The following CEP290 variants were observed in gnomAD, a reference collection of about 807,000 sequenced individuals.
The protein encoded by CEP290 is centrosomal protein of 290 kDa.
In CEP290, 317 loss-of-function variants were observed where a neutral mutation model predicts 344.9. The observed-to-expected ratio is 0.92, with a 90% CI of 0.84 to 1.01. The LOEUF (loss-of-function observed/expected upper bound fraction) is 1.01. CEP290 is among the 50% of genes least tolerant of loss of function. CEP290 has a pLI of 0.00. For synonymous variants in CEP290, 932 were observed against 895.8 expected (o/e 1.04, Z -0.72); for missense variants, 2,754 against 2,761.4 (o/e 1.00, Z 0.06).
chr12:88,090,560 G>A (rs2036950885), intron 30 of CEP290, among the ~76,000 whole-genome samples, 168 bp downstream of exon 30: 2 of 152,196 alleles, frequency 1.3e-5, no homozygotes, highest in South Asian at 4.1e-4. Flanking sequence ...AACCCAGGTG[G>A]TGAAGGCTGC....
At chr12:88,117,197 A>G in intron 17 of CEP290, 52 bp from the exon 18 acceptor site, 1 of 824,014 alleles carries the variant, frequency 1.2e-6, no homozygotes, top group Non-Finnish European at 1.9e-6. Context: ...CCCTCCTACT[A>G]TTCCAACACT....
At chr12:88,079,324 CCTA>C (rs1269304395) in intron 38 of CEP290, 95 bp from the exon 39 acceptor site, 101 of 949,836 alleles carry the variant, frequency 1.1e-4, no homozygotes, top group Middle Eastern at 3.2e-4. Flanking sequence ...TTTATTACTT[CCTA>C]CTATTTTTCT....
At chr12:88,073,993 G>A (rs1273081313) in intron 41 of CEP290, among the ~76,000 whole-genome samples, 2 of 152,100 alleles carry the variant, frequency 1.3e-5, no homozygotes, top group Non-Finnish European at 2.9e-5. Flanking sequence ...GGGGGGCCAA[G>A]GCGGGCAGAT....
In CEP290 at chr12:88,134,653, T is replaced by C. The variant is rs543127457; in HGVS notation, c.441+1990A>G. Reference sequence around the variant, plus strand: ...AAGCTGTGCAACCATGGGCAATTACTCTTTCTGTGTCTCCATTTCTTCATC... The same window carrying C: ...AAGCTGTGCAACCATGGGCAATTACCCTTTCTGTGTCTCCATTTCTTCATC... On this transcript the variant is annotated intron_variant, in intron 6 of 53. Transcript: ENST00000552810. 2.6e-5 allele frequency among the ~76,000 whole-genome samples: 4 copies of C among 152,332 alleles called. No homozygotes were observed. In the South Asian group the frequency reaches 8.3e-4, roughly 32 times the overall value.
intron 43 of CEP290, 80 bp downstream of exon 43, chr12:88,071,214 C>G: frequency 8.8e-7 from 1 of 1,135,996 alleles, no homozygotes; most frequent in Non-Finnish European, 1.3e-6. Context: ...CTTAAGACAA[C>G]ACACATTTAT....
In CEP290 at chr12:88,102,845, T is replaced by G; in HGVS notation, c.2984A>C (p.His995Pro). The change falls in exon 26 of 54, where the codon CAC becomes CCC. Residue 995 changes from histidine (H) to proline (P), a missense_variant. His to Pro is a moderately conservative substitution (Grantham distance 77). Transcript: ENST00000552810. ...MLVQRTSNLEHLECENISLKE... is the reference protein window; with the variant it reads ...MLVQRTSNLEPLECENISLKE... Reference sequence around the variant, plus strand: ...AGAATCACACAAACTTACCTCCAGGTGTTCCAAGTTACTTGTTCTTTGAAC... The same window carrying G: ...AGAATCACACAAACTTACCTCCAGGGGTTCCAAGTTACTTGTTCTTTGAAC... 6.2e-7 allele frequency: 1 copy of G among 1,609,590 alleles called. No individual in the cohort carries two copies. The highest frequency in any genetic ancestry group is 1.1e-5 in the South Asian group (1 of 90,112).
At position 88,084,658 on chromosome 12, in the gene CEP290, G is replaced by A; in HGVS notation, c.4632C>T (p.Asn1544=). The change falls in exon 35 of 54, where the codon AAC becomes AAT. Residue 1544 remains asparagine (N), a synonymous_variant. Coordinates refer to ENST00000552810, the MANE Select transcript of CEP290 (RefSeq NM_025114.4). ...CTTTTTGATTTAACCTTGCTTGCAT[G>A]TTTGCAATGGTTTGATGAGCAATTT... ...TLKIAHQTIA[N]MQARLNQKEE... 2 of 1,613,494 alleles carry A rather than the reference G, an allele frequency of 1.2e-6. No homozygotes were observed. The highest frequency in any genetic ancestry group is 8.5e-7 in the Non-Finnish European group (1 of 1,179,508).
intron 35 of CEP290, 39 bp downstream of exon 35, chr12:88,084,547 C>A: frequency 6.7e-7 from 1 of 1,497,798 alleles, no homozygotes; most frequent in South Asian, 1.2e-5. Flanking sequence ...CTTAAAAAAA[C>A]TAATGGATAA....
chr12:88,079,012 A>T, intron 39 of CEP290, 80 bp downstream of exon 39: 3 of 1,275,136 alleles, frequency 2.4e-6, no homozygotes, highest in Non-Finnish European at 3.1e-6. Flanking sequence ...TCATCAACAA[A>T]ATTACTATAT....
Position 88,115,144 on chromosome 12 carries a change from T to A in CEP290, c.1863A>T (p.Arg621Ser). ...FLSRELIEKE[R>S]DLERSRTVIA... ...TCACTGTCCTACTCCTTTCTAAATC[T>A]CTTTCTTTTTCAATTAGTTCTCTTG... The change falls in exon 19 of 54, where the codon AGA becomes AGT. Residue 621 changes from arginine (R) to serine (S), a missense_variant. Coordinates refer to ENST00000552810, the MANE Select transcript of CEP290 (RefSeq NM_025114.4). 6.7e-7 allele frequency: 1 copy of A among 1,498,178 alleles called. No individual in the cohort carries two copies. The highest frequency in any genetic ancestry group is 9.1e-7 in the Non-Finnish European group (1 of 1,096,434). The allele number at this position is 1,498,178 out of a possible 1,614,324, so 92.8% of individuals were successfully genotyped here. A position where few individuals can be genotyped will look rare whatever the true frequency, so the allele number is the denominator to read the frequency against.
chr12:88,121,058 T>A lies in CEP290; in HGVS notation c.1298A>T (p.Asp433Val). Residue 433 changes from aspartate (D) to valine (V), a missense_variant, in exon 14 of 54, where the codon GAT becomes GTT. Coordinates refer to ENST00000552810, the MANE Select transcript of CEP290 (RefSeq NM_025114.4). The part of the protein sequence containing the change: ...AERTAELAEA[D>V]AREKDKELVE... The stretch of plus-strand genomic sequence containing the variant: ...TAATTCTTTATCCTTTTCCCTAGCA[T>A]CAGCCTCAGCCAGTTCAGCTGTTCT... The A allele has an allele frequency of 6.2e-7, 1 of 1,613,592 alleles. No individual in the cohort carries two copies.
Position 88,117,131 on chromosome 12 carries a change from C to A in CEP290, c.1726G>T (p.Asp576Tyr), listed in dbSNP as rs1387784536. 1 of 1,538,008 alleles carries A rather than the reference C, an allele frequency of 6.5e-7. No individual in the cohort carries two copies. The change falls in exon 18 of 54, where the codon GAC (aspartate) becomes TAC (tyrosine). Residue 576 changes from aspartate (D) to tyrosine (Y), a missense_variant. Coordinates refer to ENST00000552810, the MANE Select transcript of CEP290 (RefSeq NM_025114.4). ...RSATSGLTTE[D>Y]LNLTENISQG... is the part of the protein sequence containing the mutation. ...GAAATGTTTTCAGTTAGGTTCAGGT[C>A]CTCAGTGGTTAATCCTATATATAAG...
intron 11 of CEP290, among the ~76,000 whole-genome samples, chr12:88,126,658 T>C (rs1395326840): frequency 1.3e-5 from 2 of 152,128 alleles, no homozygotes; most frequent in Non-Finnish European, 1.5e-5. Flanking sequence ...TACCGAATTT[T>C]CTTTTTTTAT....
chr12:88,139,126 G>A lies in CEP290; in HGVS notation c.297+19C>T. 8.8e-7 allele frequency: 1 copy of A among 1,142,734 alleles called. No individual in the cohort carries two copies. The allele number at this position is 1,142,734 out of a possible 1,614,324, so 70.8% of individuals were successfully genotyped here. On this transcript the variant is annotated intron_variant, in intron 5 of 53. Coordinates refer to ENST00000552810, the MANE Select transcript of CEP290 (RefSeq NM_025114.4). Reference sequence around the variant, plus strand: ...AAAATTAATGACAATTACATCCTAGGGAATACAAAAAGACATACCTCCAGT... The same window carrying A: ...AAAATTAATGACAATTACATCCTAGAGAATACAAAAAGACATACCTCCAGT...
At position 88,136,807 on chromosome 12, in the gene CEP290, G is replaced by A. The variant is rs1242886857; in HGVS notation, c.298-21C>T. 3 of 1,608,312 alleles carry A rather than the reference G, an allele frequency of 1.9e-6. No individual in the cohort carries two copies. The Admixed American group carries it at 5.0e-5, about 27-fold the overall frequency. On this transcript the variant is annotated intron_variant, in intron 5 of 53. Transcript: ENST00000552810. ...GCCATCTTAAAGTAATAAACCCAAA[G>A]TATAAATTAATCCCATTATATTTTG...
intron 26 of CEP290, among the ~76,000 whole-genome samples, chr12:88,097,773 T>C (rs2037549459): frequency 6.6e-6 from 1 of 152,124 alleles, no homozygotes; most frequent in Non-Finnish European, 1.5e-5. Flanking sequence ...CTTAGAATAC[T>C]CAAGAGTTTT....
chr12:88,083,881 T>C lies in CEP290; in HGVS notation c.4778A>G (p.Asp1593Gly). ...ILHHRLELQA[D>G]SSLNKFKQTA... ...TTGTTTGAATTTATTTAGTGAACTA[T>C]CAGCCTGTAGTTCTAATCTGTGATG... is the stretch of plus-strand genomic sequence containing the variant. Residue 1593 changes from aspartate (D) to glycine (G), a missense_variant, in exon 36 of 54, where the codon GAT (aspartate) becomes GGT (glycine). Coordinates refer to ENST00000552810, the MANE Select transcript of CEP290 (RefSeq NM_025114.4). 4.4e-6 allele frequency: 7 copies of C among 1,594,116 alleles called. No homozygotes were observed. Among genetic ancestry groups the C allele is most frequent in the Non-Finnish European group, 6.0e-6 (7 of 1,169,714 alleles).
chr12:88,099,691 AATAAT>A (rs910179983), intron 26 of CEP290, among the ~76,000 whole-genome samples: 1 of 152,156 alleles, frequency 6.6e-6, no homozygotes, highest in African/African-American at 2.4e-5. Context: ...ATAAGGTAAT[AATAAT>A]ATATTTTTTA....
intron 10 of CEP290, among the ~76,000 whole-genome samples, chr12:88,129,371 A>T: frequency 6.6e-6 from 1 of 151,970 alleles, no homozygotes; most frequent in East Asian, 1.9e-4. Context: ...TTTCTAATAC[A>T]TTTATAATGT....
Sources: allele counts gnomAD v4.1 joint callset (sites outside exome capture counted in the v4.1 genomes callset), GRCh38; gene constraint gnomAD v4.1.1; transcripts MANE v1.5; gene names NCBI Gene and HGNC (gene_info 2026-07-23, HGNC 2026-07-21).